Variants in CEP112 observed in about 807,000 individuals in gnomAD.
The protein encoded by CEP112 is centrosomal protein 112.
In CEP112, 127 loss-of-function variants were observed where a neutral mutation model predicts 153.0. The ratio of observed to expected loss-of-function variants is 0.83; its 90% confidence interval spans 0.72 to 0.96. The LOEUF (loss-of-function observed/expected upper bound fraction) is 0.96. CEP112 is among the 40% of genes least tolerant of loss of function. The pLI, the probability that CEP112 is intolerant of heterozygous loss-of-function variation, is 0.00. For synonymous variants in CEP112, 358 were observed against 374.4 expected, an observed-to-expected ratio of 0.96 and a Z score of 0.51; for missense variants, 1,089 against 1,101.2, an observed-to-expected ratio of 0.99 and a Z score of 0.16.
chr17:65,875,651 C>A (rs574515290), intron 20 of CEP112, among the ~76,000 whole-genome samples: 1 of 152,214 alleles, frequency 6.6e-6, no homozygotes, highest in South Asian at 2.1e-4. Context: ...AATAGAATAA[C>A]TAAACTTTCA....
chr17:65,962,715 C>A (rs2062252166), intron 17 of CEP112, among the ~76,000 whole-genome samples: 1 of 128,058 alleles, frequency 7.8e-6, no homozygotes. Context: ...CTTTCCCATG[C>A]TGTTCTCATG....
intron 16 of CEP112, among the ~76,000 whole-genome samples, chr17:66,017,864 G>T (rs1482227988): frequency 1.3e-5 from 2 of 152,140 alleles, no homozygotes; most frequent in African/African-American, 4.8e-5. Context: ...GCCAGGCATG[G>T]TGGCACATGC....
chr17:65,716,218 G>T (rs868409334), intron 23 of CEP112, among the ~76,000 whole-genome samples: 1 of 151,824 alleles, frequency 6.6e-6, no homozygotes, highest in South Asian at 2.1e-4. Context: ...GTACAGTGGC[G>T]CAATCTCGGC....
intron 18 of CEP112, among the ~76,000 whole-genome samples, chr17:65,954,296 G>C (rs1257997977): frequency 6.6e-6 from 1 of 152,116 alleles, no homozygotes; most frequent in Non-Finnish European, 1.5e-5. Context: ...ATTCCTAGGG[G>C]AAGGGGGAGC....
intron 16 of CEP112, among the ~76,000 whole-genome samples, chr17:66,022,223 A>G (rs2065025646): frequency 6.6e-6 from 1 of 152,104 alleles, no homozygotes; most frequent in African/African-American, 2.4e-5. Context: ...TACCCAACAT[A>G]CTTCATAGTT....
intron 21 of CEP112, among the ~76,000 whole-genome samples, chr17:65,814,623 A>G (rs1471956026): frequency 1.3e-5 from 2 of 152,298 alleles, no homozygotes; most frequent in East Asian, 3.9e-4. Context: ...TCCAACACAG[A>G]GTGGTGCTCT....
intron 4 of CEP112, among the ~76,000 whole-genome samples, chr17:66,153,465 G>T (rs989433960): frequency 1.4e-5 from 1 of 72,300 alleles, no homozygotes; most frequent in African/African-American, 4.9e-5. Context: ...TTCTAGAAAA[G>T]GCCAAAAAAA....
intron 18 of CEP112, among the ~76,000 whole-genome samples, chr17:65,954,077 C>A (rs2061927348): frequency 6.6e-6 from 1 of 152,186 alleles, no homozygotes; most frequent in South Asian, 2.1e-4. Flanking sequence ...AAAACACAAC[C>A]AAGAACCCTC....
intron 21 of CEP112, among the ~76,000 whole-genome samples, chr17:65,762,284 T>TA (rs1282781710): frequency 2.6e-5 from 4 of 151,616 alleles, no homozygotes; most frequent in Non-Finnish European, 5.9e-5. Context: ...ATGGTATATA[T>TA]TTTTTTTGAT....
intron 11 of CEP112, among the ~76,000 whole-genome samples, chr17:66,055,152 G>A (rs2066627996): frequency 6.6e-6 from 1 of 152,146 alleles, no homozygotes; most frequent in Non-Finnish European, 1.5e-5. Context: ...AAAGATACTG[G>A]AAGGACAGGG....
At chr17:65,660,458 CTCTCCTTCCT>C (rs1451093055) in intron 24 of CEP112, among the ~76,000 whole-genome samples, 1 of 54,894 alleles carries the variant, frequency 1.8e-5, no homozygotes, top group African/African-American at 9.4e-5. Context: ...TCTCTTCTCT[CTCTCCTTCCT>C]TCCTTCCTTC....
chr17:65,698,454 T>G (rs1420737551), intron 23 of CEP112, among the ~76,000 whole-genome samples: 1 of 152,224 alleles, frequency 6.6e-6, no homozygotes, highest in African/African-American at 2.4e-5. Context: ...GTCTTAAAAA[T>G]GCACTTTTTA....
intron 21 of CEP112, among the ~76,000 whole-genome samples, chr17:65,809,188 T>A (rs979520403): frequency 6.6e-6 from 1 of 151,926 alleles, no homozygotes; most frequent in African/African-American, 2.4e-5. Context: ...TCAAAGGCCT[T>A]AGGTAGGAAC....
intron 23 of CEP112, among the ~76,000 whole-genome samples, chr17:65,700,887 C>T (rs2144581978): frequency 6.6e-6 from 1 of 152,198 alleles, no homozygotes; most frequent in Non-Finnish European, 1.5e-5. Context: ...TAGGAGAAAA[C>T]CAGGCCCAGA....
intron 20 of CEP112, among the ~76,000 whole-genome samples, chr17:65,869,860 C>A (rs1437827022): frequency 6.6e-6 from 1 of 151,924 alleles, no homozygotes; most frequent in Non-Finnish European, 1.5e-5. Flanking sequence ...GCTGGGATTA[C>A]AGGCGTGAGC....
chr17:65,984,161 C>G (rs1001259840), intron 17 of CEP112, among the ~76,000 whole-genome samples: 5 of 129,152 alleles, frequency 3.9e-5, no homozygotes, highest in African/African-American at 1.6e-4. Context: ...TTTTACATTT[C>G]CAAACCTAAA....
At chr17:66,168,536 T>C (rs1002312342) in intron 4 of CEP112, among the ~76,000 whole-genome samples, 3 of 149,204 alleles carry the variant, frequency 2.0e-5, no homozygotes, top group Admixed American at 6.7e-5. Flanking sequence ...TGTATATATG[T>C]GTGTGTGTGT....
intron 6 of CEP112, among the ~76,000 whole-genome samples, chr17:66,108,471 T>C (rs1346751600): frequency 1.3e-5 from 2 of 152,130 alleles, no homozygotes; most frequent in Non-Finnish European, 2.9e-5. Flanking sequence ...TAGACATGTC[T>C]TAAAAGAAGA....
chr17:65,827,374 T>A (rs1208119140), intron 21 of CEP112, among the ~76,000 whole-genome samples: 1 of 152,210 alleles, frequency 6.6e-6, no homozygotes, highest in African/African-American at 2.4e-5. Flanking sequence ...TATGGCTTAC[T>A]TTCTGGCTCT....
Sources: allele counts gnomAD v4.1 joint callset (sites outside exome capture counted in the v4.1 genomes callset), GRCh38; gene constraint gnomAD v4.1.1; transcripts MANE v1.5; gene names NCBI Gene and HGNC (gene_info 2026-07-23, HGNC 2026-07-21).